ZNF277: variants seen among roughly 807,000 people sequenced by gnomAD.
ZNF277 encodes the protein zinc finger protein 277.
Under a neutral mutation model 60.7 loss-of-function variants are expected in ZNF277, and 55 were observed. The observed-to-expected ratio is 0.91, with a 90% confidence interval of 0.73 to 1.13. ZNF277 has a LOEUF of 1.13. ZNF277 is among the 50% of genes most tolerant of loss of function. The probability of loss-of-function intolerance (pLI) is 0.00; values close to 1 mark genes in which losing one functional copy is unlikely to be tolerated. For missense variants in ZNF277, 510 were observed against 523.0 expected (o/e 0.98, Z 0.24); for synonymous variants, 178 against 179.3 (o/e 0.99, Z 0.06).
chr7:112,322,305 T>C (rs1030109639), intron 5 of ZNF277, among the ~76,000 whole-genome samples: 8 of 152,100 alleles, frequency 5.3e-5, no homozygotes, highest in African/African-American at 1.4e-4. Flanking sequence ...TTTTGGAGCA[T>C]ATTATACATA....
chr7:112,209,019 A>G (rs1821665444), intron 1 of ZNF277, among the ~76,000 whole-genome samples: 1 of 152,178 alleles, frequency 6.6e-6, no homozygotes, highest in African/African-American at 2.4e-5. Context: ...AAATCTATAT[A>G]AACTGAAAGA....
intron 2 of ZNF277, chr7:112,287,569 C>G (rs1435285098): frequency 6.6e-6 from 1 of 150,576 alleles, no homozygotes; most frequent in African/African-American, 2.4e-5. Context: ...TATTGTCACC[C>G]AGGCTGGAGT....
intron 2 of ZNF277, among the ~76,000 whole-genome samples, chr7:112,290,107 T>G (rs1584382045): frequency 6.6e-6 from 1 of 152,322 alleles, no homozygotes; most frequent in South Asian, 2.1e-4. Context: ...ATTACAGGTG[T>G]GAGCCACCGT....
intron 1 of ZNF277, among the ~76,000 whole-genome samples, chr7:112,207,314 G>A (rs1439611748): frequency 6.6e-6 from 1 of 152,140 alleles, no homozygotes; most frequent in Non-Finnish European, 1.5e-5. Context: ...TGCCCAGTTT[G>A]TGGCTGAGGT....
intron 1 of ZNF277, among the ~76,000 whole-genome samples, chr7:112,217,668 G>A (rs1486997108): frequency 2.0e-5 from 3 of 152,102 alleles, no homozygotes; most frequent in African/African-American, 4.8e-5. Context: ...AAACAAACCC[G>A]CTTCTTGCCT....
chr7:112,304,078 A>T (rs536753532), intron 4 of ZNF277, among the ~76,000 whole-genome samples: 24 of 152,070 alleles, frequency 1.6e-4, no homozygotes, highest in Non-Finnish European at 3.2e-4. Flanking sequence ...TTAGTCATTG[A>T]TATGGATGGC....
chr7:112,274,042 G>GAT (rs35887204), intron 1 of ZNF277, among the ~76,000 whole-genome samples: 2,204 of 147,462 alleles, frequency 0.015, 58 homozygotes, highest in African/African-American at 0.048. Context: ...TATAGTATGA[G>GAT]ATATATATAT....
intron 4 of ZNF277, among the ~76,000 whole-genome samples, chr7:112,306,790 A>C (rs1792606872): frequency 6.6e-6 from 1 of 151,934 alleles, no homozygotes; most frequent in Admixed American, 6.6e-5. Context: ...TTAATATTTA[A>C]ATCTTTTAAC....
chr7:112,237,884 T>C (rs1024315849), intron 1 of ZNF277, among the ~76,000 whole-genome samples: 2 of 152,086 alleles, frequency 1.3e-5, no homozygotes, highest in African/African-American at 4.8e-5. Context: ...AAGAAAACTA[T>C]AGACCAATAT....
chr7:112,260,998 C>T (rs1791426152), intron 1 of ZNF277, among the ~76,000 whole-genome samples: 1 of 152,138 alleles, frequency 6.6e-6, no homozygotes, highest in Non-Finnish European at 1.5e-5. Context: ...AAAGAAAGAT[C>T]AGAACTCACA....
At chr7:112,272,463 G>A (rs1170653018) in intron 1 of ZNF277, among the ~76,000 whole-genome samples, 1 of 152,070 alleles carries the variant, frequency 6.6e-6, no homozygotes, top group Non-Finnish European at 1.5e-5. Context: ...TCACATAGTA[G>A]TTCTATTTTT....
chr7:112,212,538 A>G (rs1029412421), intron 1 of ZNF277, among the ~76,000 whole-genome samples: 2 of 152,328 alleles, frequency 1.3e-5, no homozygotes, highest in African/African-American at 2.4e-5. Flanking sequence ...ATTTCCTGTT[A>G]TAAAGTCAGA....
intron 1 of ZNF277, among the ~76,000 whole-genome samples, chr7:112,208,402 C>T (rs1441428299): frequency 6.6e-6 from 1 of 151,726 alleles, no homozygotes; most frequent in Admixed American, 6.6e-5. Context: ...AAGGATATGC[C>T]TTTCAAAAAT....
At chr7:112,335,033 A>G (rs533927576) in intron 7 of ZNF277, among the ~76,000 whole-genome samples, 1 of 152,296 alleles carries the variant, frequency 6.6e-6, no homozygotes, top group African/African-American at 2.4e-5. Flanking sequence ...TGACAGCTTC[A>G]AAACCTCTCA....
intron 1 of ZNF277, among the ~76,000 whole-genome samples, chr7:112,250,618 C>G (rs1791183425): frequency 6.6e-6 from 1 of 152,100 alleles, no homozygotes; most frequent in Non-Finnish European, 1.5e-5. Flanking sequence ...CTCAAGCTGG[C>G]CAACGCTTCA....
chr7:112,244,983 T>C (rs1387742494), intron 1 of ZNF277, among the ~76,000 whole-genome samples: 1 of 151,944 alleles, frequency 6.6e-6, no homozygotes, highest in East Asian at 1.9e-4. Flanking sequence ...ACAAATCCTG[T>C]TTTTTTTCTA....
chr7:112,339,687 G>A (rs62473148), intron 9 of ZNF277, among the ~76,000 whole-genome samples, 156 bp from the exon 10 acceptor site: 9,185 of 152,232 alleles, frequency 0.06, 525 homozygotes, highest in African/African-American at 0.15. Flanking sequence ...GGGTATGGAG[G>A]GAAGTAGTTA....
chr7:112,210,012 G>C (rs1821695079), intron 1 of ZNF277, among the ~76,000 whole-genome samples: 1 of 152,112 alleles, frequency 6.6e-6, no homozygotes, highest in African/African-American at 2.4e-5. Flanking sequence ...TTGGGGGATG[G>C]GGAAGGGATA....
chr7:112,243,314 A>G (rs1791003399), intron 1 of ZNF277, among the ~76,000 whole-genome samples: 1 of 151,998 alleles, frequency 6.6e-6, no homozygotes, highest in South Asian at 2.1e-4. Context: ...TGCAACAAAA[A>G]CAAAGATAGA....
Sources: gnomAD v4.1 joint callset for allele counts (sites outside exome capture counted in the v4.1 genomes callset) on GRCh38, gnomAD v4.1.1 for gene constraint, MANE v1.5 for transcripts, NCBI Gene and HGNC (gene_info 2026-07-23, HGNC 2026-07-21) for gene names.